The following UBQLN2 variants were observed in gnomAD, a reference collection of about 807,000 sequenced individuals.
UBQLN2 encodes ubiquilin 2.
UBQLN2 carries 2 observed loss-of-function variants against 22.2 expected under a neutral mutation model. The observed-to-expected ratio is 0.09, with a 90% confidence interval of 0.04 to 0.28. The LOEUF (loss-of-function observed/expected upper bound fraction) is 0.28, where lower values mean the gene tolerates loss of function less well. UBQLN2 is among the 10% of genes least tolerant of loss of function. UBQLN2 has a pLI of 1.00. For synonymous variants in UBQLN2, 252 were observed against 206.7 expected, an observed-to-expected ratio of 1.22 and a Z score of -1.88; for missense variants, 446 against 505.1, an observed-to-expected ratio of 0.88 and a Z score of 1.12.
Position 56,564,405 on chromosome X carries a change from A to G in UBQLN2, c.532A>G (p.Ser178Gly). The G allele has an allele frequency of 8.3e-7, 1 of 1,211,938 alleles. No homozygotes were observed. The highest frequency in any genetic ancestry group is 1.1e-6 in the Non-Finnish European group (1 of 895,586). ...CCAGATGCAGCAGCAGCTTATGGCC[A>G]GCCCTGAGATGATGATCCAAATAAT... ...QSQMQQQLMA[S>G]PEMMIQIMEN... The change falls in exon 1 of 1, where the codon AGC becomes GGC. Residue 178 changes from serine (S) to glycine (G), a missense_variant. Coordinates refer to ENST00000338222, the MANE Select transcript of UBQLN2 (RefSeq NM_013444.4).
Position 56,563,810 on chromosome X carries a change from T to G in UBQLN2, c.-64T>G. 1 of 910,555 alleles carries G rather than the reference T, an allele frequency of 1.1e-6. No homozygotes were observed. Among genetic ancestry groups the G allele is most frequent in the Non-Finnish European group, 1.5e-6 (1 of 659,768 alleles). 75.0% of individuals were successfully genotyped at this position (910,555 alleles called of 1,213,427 possible). On this transcript the variant is annotated 5_prime_UTR_variant, in exon 1 of 1. Transcript: ENST00000338222. The stretch of plus-strand genomic sequence containing the variant: ...CGGCGGTGCCTCCTTCCTTCCTCCT[T>G]CCCTCGCGCTCTCTCTTTCGCCCGC...
Position 56,566,189 on chromosome X carries a change from T to G in UBQLN2, c.*441T>G, listed in dbSNP as rs967132824. On this transcript the variant is annotated 3_prime_UTR_variant, in exon 1 of 1. Coordinates refer to ENST00000338222, the MANE Select transcript of UBQLN2 (RefSeq NM_013444.4). Reference sequence around the variant, plus strand: ...ACAGATGTCCAATTTATTTGCATTTTTAAACATTAGCCTATGATAGTAATT... The same window carrying G: ...ACAGATGTCCAATTTATTTGCATTTGTAAACATTAGCCTATGATAGTAATT... 1 of 163,278 alleles carries G rather than the reference T, an allele frequency of 6.1e-6. No homozygotes were observed. Among genetic ancestry groups the G allele is most frequent in the African/African-American group, 3.1e-5 (1 of 32,255 alleles). 13.5% of individuals were successfully genotyped at this position (163,278 alleles called of 1,213,427 possible). A position where few individuals can be genotyped will look rare whatever the true frequency, so the allele number is the denominator to read the frequency against.
chrX:56,566,032 G>C lies in UBQLN2; in HGVS notation c.*284G>C. On this transcript the variant is annotated 3_prime_UTR_variant, in exon 1 of 1. Coordinates refer to ENST00000338222, the MANE Select transcript of UBQLN2 (RefSeq NM_013444.4). ...TTTCCTTTAGTTTCCTTCCTTAGCC[G>C]TTTTGAGTGGTGGGAATCAATGCTG... The C allele has an allele frequency of 2.5e-6, 1 of 394,002 alleles. No homozygotes were observed. The allele number at this position is 394,002 out of a possible 1,213,427, so 32.5% of individuals were successfully genotyped here.
At position 56,563,823 on chromosome X, in the gene UBQLN2, C is replaced by A. The variant is rs760008793; in HGVS notation, c.-51C>A. 7.9e-6 allele frequency: 8 copies of A among 1,007,267 alleles called. No individual in the cohort carries two copies. The highest frequency in any genetic ancestry group is 9.4e-6 in the Non-Finnish European group (7 of 745,202). 83.0% of individuals were successfully genotyped at this position (1,007,267 alleles called of 1,213,427 possible). On this transcript the variant is annotated 5_prime_UTR_variant, in exon 1 of 1. Transcript: ENST00000338222. ...TTCCTTCCTCCTTCCCTCGCGCTCT[C>A]TCTTTCGCCCGCCCGCGCCTTCCCT...
chrX:56,565,485 G>C lies in UBQLN2; in HGVS notation c.1612G>C (p.Val538Leu), dbSNP rs780846651. 6 of 1,203,205 alleles carry C rather than the reference G, an allele frequency of 5.0e-6. No homozygotes were observed. The highest frequency in any genetic ancestry group is 4.5e-6 in the Non-Finnish European group (4 of 891,323). Residue 538 changes from valine to leucine, a missense_variant, in exon 1 of 1, where the codon GTG (valine) becomes CTG (leucine). Physicochemically the swap from Val to Leu is conservative, Grantham distance 32. This residue lies in a region of UBQLN2 where 278 missense variants were observed against 279.4 expected (regional missense o/e 1.00). Coordinates refer to ENST00000338222, the MANE Select transcript of UBQLN2 (RefSeq NM_013444.4). ...TGSGGPTGPT[V>L]SSAAPSETTS... ...CTCTGGTGGCCCCACGGGGCCTACT[G>C]TGTCCAGCGCTGCACCTAGTGAAAC... is the stretch of plus-strand genomic sequence containing the variant.
Position 56,565,875 on chromosome X carries a change from C to A in UBQLN2, c.*127C>A. 1 of 705,998 alleles carries A rather than the reference C, an allele frequency of 1.4e-6. No individual in the cohort carries two copies. Among genetic ancestry groups the A allele is most frequent in the Non-Finnish European group, 2.2e-6 (1 of 462,159 alleles). 58.2% of individuals were successfully genotyped at this position (705,998 alleles called of 1,213,427 possible). A position where few individuals can be genotyped will look rare whatever the true frequency, so the allele number is the denominator to read the frequency against. On this transcript the variant is annotated 3_prime_UTR_variant, in exon 1 of 1. Transcript: ENST00000338222. Reference sequence around the variant, plus strand: ...CTTTTAAATCTGTCTAGTTGTAAGTCTAATATGATGCATTTTAAGATGGAG... The same window carrying A: ...CTTTTAAATCTGTCTAGTTGTAAGTATAATATGATGCATTTTAAGATGGAG...
rs1297111452 is a variant in UBQLN2 at position 56,564,871 on chromosome X, G to A, written c.998G>A (p.Ser333Asn). Residue 333 changes from serine (S) to asparagine (N), a missense_variant, in exon 1 of 1, where the codon AGC becomes AAC. By Grantham distance (46) the Ser-to-Asn change is conservative. Coordinates refer to ENST00000338222, the MANE Select transcript of UBQLN2 (RefSeq NM_013444.4). ...GCTACCCAGAGTTCTGCAACTACCA[G>A]CACGACCACAAGCACTGGTAGTGGG... ...PPATQSSATT[S>N]TTTSTGSGSG... 7.4e-6 allele frequency: 9 copies of A among 1,211,215 alleles called. No individual in the cohort carries two copies. Among genetic ancestry groups the A allele is most frequent in the Non-Finnish European group, 1.1e-6 (1 of 895,292 alleles).
rs1030393632 is a variant in UBQLN2, at chrX:56,567,107, A to G, written c.*1359A>G. 2.4e-5 allele frequency: 3 copies of G among 122,677 alleles called. No homozygotes were observed. In the Admixed American group the frequency reaches 2.9e-4, roughly 12 times the overall value. 10.1% of individuals were successfully genotyped at this position (122,677 alleles called of 1,213,427 possible). On this transcript the variant is annotated 3_prime_UTR_variant, in exon 1 of 1. Transcript: ENST00000338222. ...ATTATCTTGATGTATGGATTTAGGT[A>G]TTCTAACTTTTTTGCCCCAAAGGGT...
chrX:56,564,068 C>T lies in UBQLN2; in HGVS notation c.195C>T (p.Phe65=), dbSNP rs754649110. 1.9e-5 allele frequency: 23 copies of T among 1,204,626 alleles called. No individual in the cohort carries two copies. The Middle Eastern group carries it at 6.9e-4, about 36-fold the overall frequency. The change falls in exon 1 of 1, where the codon TTC becomes TTT. Residue 65 remains phenylalanine, a synonymous_variant. Transcript: ENST00000338222. ...QQFKEAISKR[F]KSQTDQLVLI... ...TTAAGGAAGCGATTTCGAAACGCTT[C>T]AAATCCCAAACCGATCAGCTAGTGC...
chrX:56,565,628 A>G lies in UBQLN2; in HGVS notation c.1755A>G (p.Gln585=). 3.3e-6 allele frequency: 4 copies of G among 1,212,171 alleles called. No individual in the cohort carries two copies. The highest frequency in any genetic ancestry group is 4.5e-6 in the Non-Finnish European group (4 of 895,551). ...LPNPEVRFQQ[Q]LEQLNAMGFL... is the part of the protein sequence containing the mutation. Reference sequence around the variant, plus strand: ...ATCCAGAAGTCAGATTTCAGCAACAACTGGAACAGCTCAACGCAATGGGGT... The same window carrying G: ...ATCCAGAAGTCAGATTTCAGCAACAGCTGGAACAGCTCAACGCAATGGGGT... The change falls in exon 1 of 1, where the codon CAA becomes CAG. Residue 585 remains glutamine, a synonymous_variant. Transcript: ENST00000338222.
Position 56,565,926 on chromosome X carries a change from C to A in UBQLN2, c.*178C>A. 1 of 490,040 alleles carries A rather than the reference C, an allele frequency of 2.0e-6. No individual in the cohort carries two copies. Among genetic ancestry groups the A allele is most frequent in the Non-Finnish European group, 3.5e-6 (1 of 283,614 alleles). The allele number at this position is 490,040 out of a possible 1,213,427, so 40.4% of individuals were successfully genotyped here. A position where few individuals can be genotyped will look rare whatever the true frequency, so the allele number is the denominator to read the frequency against. ...TCCCTCCCTCCTACTTCCCTCACTC[C>A]CTTTCTCCTTTGCTTATTTTTCCTA... On this transcript the variant is annotated 3_prime_UTR_variant, in exon 1 of 1. Coordinates refer to ENST00000338222, the MANE Select transcript of UBQLN2 (RefSeq NM_013444.4).
Position 56,565,405 on chromosome X carries a change from G to A in UBQLN2, c.1532G>A (p.Gly511Asp), listed in dbSNP as rs2068636537. The change falls in exon 1 of 1, where the codon GGC (glycine) becomes GAC (aspartate). Residue 511 changes from glycine (G) to aspartate (D), a missense_variant. By Grantham distance (94) the Gly-to-Asp change is moderately conservative. This residue lies in a region of UBQLN2 where 278 missense variants were observed against 279.4 expected (regional missense o/e 1.00). Transcript: ENST00000338222. ...IGPIVPFTPIGPIGPIGPTGP... is the reference protein window; with the variant it reads ...IGPIVPFTPIDPIGPIGPTGP... Reference sequence around the variant, plus strand: ...CCTATAGTCCCTTTTACCCCCATAGGCCCCATTGGGCCCATAGGACCCACT... The same window carrying A: ...CCTATAGTCCCTTTTACCCCCATAGACCCCATTGGGCCCATAGGACCCACT... 8.4e-7 allele frequency: 1 copy of A among 1,193,646 alleles called. No individual in the cohort carries two copies. Among genetic ancestry groups the A allele is most frequent in the East Asian group, 3.1e-5 (1 of 32,760 alleles).
In UBQLN2 at chrX:56,563,735, A is replaced by C; in HGVS notation, c.-139A>C. 2.2e-6 allele frequency: 1 copy of C among 461,231 alleles called. No individual in the cohort carries two copies. The highest frequency in any genetic ancestry group is 3.6e-6 in the Non-Finnish European group (1 of 277,976). The allele number at this position is 461,231 out of a possible 1,213,427, so 38.0% of individuals were successfully genotyped here. On this transcript the variant is annotated 5_prime_UTR_variant, in exon 1 of 1. Coordinates refer to ENST00000338222, the MANE Select transcript of UBQLN2 (RefSeq NM_013444.4). ...GGACCAGGGAACCGCAGTCTTCATC[A>C]CAGAGGTACCGTGCTCCGCGCTCCC...
In UBQLN2 at chrX:56,563,689, C is replaced by T; in HGVS notation, c.-185C>T. The T allele has an allele frequency of 5.1e-6, 2 of 388,711 alleles. No homozygotes were observed. Among genetic ancestry groups the T allele is most frequent in the East Asian group, 4.3e-5 (1 of 23,352 alleles). The allele number at this position is 388,711 out of a possible 1,213,427, so 32.0% of individuals were successfully genotyped here. On this transcript the variant is annotated 5_prime_UTR_variant, in exon 1 of 1. Coordinates refer to ENST00000338222, the MANE Select transcript of UBQLN2 (RefSeq NM_013444.4). ...CGGAGACCTCAGCCAGCGGCCTACG[C>T]CCAGGCCTTTCTCCACCGGAGGACC...
At position 56,566,176 on chromosome X, in the gene UBQLN2, T is replaced by C. The variant is rs2068641580; in HGVS notation, c.*428T>C. On this transcript the variant is annotated 3_prime_UTR_variant, in exon 1 of 1. Coordinates refer to ENST00000338222, the MANE Select transcript of UBQLN2 (RefSeq NM_013444.4). ...CAAGTGTTGTCCTACAGATGTCCAA[T>C]TTATTTGCATTTTTAAACATTAGCC... 6.1e-6 allele frequency: 1 copy of C among 163,090 alleles called. No individual in the cohort carries two copies. Among genetic ancestry groups the C allele is most frequent in the African/African-American group, 3.1e-5 (1 of 32,288 alleles). The allele number at this position is 163,090 out of a possible 1,213,427, so 13.4% of individuals were successfully genotyped here.
chrX:56,563,793 C>A lies in UBQLN2; in HGVS notation c.-81C>A. ...CCCGGCCCAGCCCGCTGCGGCGGTG[C>A]CTCCTTCCTTCCTCCTTCCCTCGCG... is the stretch of plus-strand genomic sequence containing the variant. On this transcript the variant is annotated 5_prime_UTR_variant, in exon 1 of 1. Transcript: ENST00000338222. 1 of 792,109 alleles carries A rather than the reference C, an allele frequency of 1.3e-6. No individual in the cohort carries two copies. Among genetic ancestry groups the A allele is most frequent in the Non-Finnish European group, 1.8e-6 (1 of 554,384 alleles). The allele number at this position is 792,109 out of a possible 1,213,427, so 65.3% of individuals were successfully genotyped here.
chrX:56,567,852 T>TA lies in UBQLN2; in HGVS notation c.*2107dup, dbSNP rs1289851452. On this transcript the variant is annotated 3_prime_UTR_variant, in exon 1 of 1. Transcript: ENST00000338222. The stretch of plus-strand genomic sequence containing the variant: ...ACATTTTCATAACAGTGCTAAATAA[T>TA]AAAGGTGGCAGTGGCATTTTTGTCT... The TA allele has an allele frequency of 8.2e-6, 1 of 122,569 alleles. No homozygotes were observed. The highest frequency in any genetic ancestry group is 3.3e-5 in the African/African-American group (1 of 30,712). The allele number at this position is 122,569 out of a possible 1,213,427, so 10.1% of individuals were successfully genotyped here. A position where few individuals can be genotyped will look rare whatever the true frequency, so the allele number is the denominator to read the frequency against.
Position 56,567,114 on chromosome X carries a change from C to CT in UBQLN2, c.*1372dup. The CT allele has an allele frequency of 8.0e-6, 1 of 124,333 alleles. No homozygotes were observed. 10.2% of individuals were successfully genotyped at this position (124,333 alleles called of 1,213,427 possible). On this transcript the variant is annotated 3_prime_UTR_variant, in exon 1 of 1. Transcript: ENST00000338222. ...TGATGTATGGATTTAGGTATTCTAA[C>CT]TTTTTTGCCCCAAAGGGTTAGCCAG...
In UBQLN2 at chrX:56,564,729, C is replaced by T. The variant is rs1468978041; in HGVS notation, c.856C>T (p.Gln286Ter). ...QEPMLNAAQE[Q>*]FGGNPFASVG... ...GCCGATGCTGAATGCCGCACAAGAG[C>T]AGTTTGGGGGTAATCCATTTGCCTC... is the stretch of plus-strand genomic sequence containing the variant. The change falls in exon 1 of 1, where the codon CAG becomes TAG. Residue 286 changes from glutamine to a stop codon, truncating the protein, a stop_gained. Transcript: ENST00000338222. LOFTEE classifies it high-confidence loss of function. The T allele has an allele frequency of 8.3e-7, 1 of 1,211,607 alleles. No homozygotes were observed.
Sources: allele counts gnomAD v4.1 joint callset, GRCh38; gene constraint gnomAD v4.1.1; regional missense constraint gnomAD v4.1.1; transcripts MANE v1.5; gene names NCBI Gene and HGNC (gene_info 2026-07-23, HGNC 2026-07-21).